The following TAS2R1 variants were observed in gnomAD, a reference collection of about 807,000 sequenced individuals.
The protein encoded by TAS2R1 is taste receptor type 2 member 1.
For synonymous variants in TAS2R1, 141 were observed against 134.2 expected (o/e 1.05, Z -0.35); for missense variants, 370 against 353.4 (o/e 1.05, Z -0.38).
chr5:9,635,790 GT>G (rs1739952546), intron 2 of TAS2R1, among the ~76,000 whole-genome samples: 1 of 151,678 alleles, frequency 6.6e-6, no homozygotes, highest in East Asian at 1.9e-4. Flanking sequence ...AATATTTCCT[GT>G]TTCATTTCTA....
At chr5:9,775,829 CTT>C in the TAS2R1 span, among the ~76,000 whole-genome samples, 1 of 152,190 alleles carries the variant, frequency 6.6e-6, no homozygotes, top group South Asian at 2.1e-4. Flanking sequence ...ACAAAGTCCT[CTT>C]TACTCTCCCC....
the TAS2R1 span, among the ~76,000 whole-genome samples, chr5:9,728,174 G>A: frequency 8.9e-3 from 1,349 of 152,140 alleles, 19 homozygotes; most frequent in African/African-American, 0.031. Flanking sequence ...CCAATAGAAT[G>A]GGGTCTCAAA....
the TAS2R1 span, among the ~76,000 whole-genome samples, chr5:9,820,287 G>A: frequency 2.9e-4 from 44 of 152,078 alleles, no homozygotes; most frequent in Non-Finnish European, 2.9e-4. Flanking sequence ...GTGGAAGAAA[G>A]ATAAATTGTA....
chr5:9,753,517 G>A, the TAS2R1 span, among the ~76,000 whole-genome samples: 6 of 151,920 alleles, frequency 3.9e-5, no homozygotes, highest in African/African-American at 1.2e-4. Flanking sequence ...CTCTGATGGT[G>A]GTTTCTTTTG....
At chr5:9,872,347 A>G in the TAS2R1 span, among the ~76,000 whole-genome samples, 1 of 152,326 alleles carries the variant, frequency 6.6e-6, no homozygotes, top group South Asian at 2.1e-4. Flanking sequence ...AGCAGTTCAC[A>G]CCAACAAAGA....
At chr5:9,874,013 AG>A in the TAS2R1 span, among the ~76,000 whole-genome samples, 3 of 149,188 alleles carry the variant, frequency 2.0e-5, no homozygotes, top group African/African-American at 7.4e-5. Context: ...AAAGGAAGGA[AG>A]GGAGGGAGGG....
At chr5:9,860,665 G>C in the TAS2R1 span, among the ~76,000 whole-genome samples, 33 of 152,290 alleles carry the variant, frequency 2.2e-4, no homozygotes, top group African/African-American at 7.5e-4. Context: ...CGGAAGGAGA[G>C]AGGGATAGAA....
chr5:9,720,281 T>C, the TAS2R1 span, among the ~76,000 whole-genome samples: 5 of 152,234 alleles, frequency 3.3e-5, no homozygotes, highest in South Asian at 1.0e-3. Context: ...GTTGTAGAAT[T>C]TGGCTAGTCT....
the TAS2R1 span, among the ~76,000 whole-genome samples, chr5:9,800,382 C>T: frequency 1.2e-3 from 190 of 152,284 alleles, no homozygotes; most frequent in African/African-American, 4.4e-3. Context: ...ACACAGGTTT[C>T]CAATGTAATA....
chr5:9,771,811 A>T, the TAS2R1 span, among the ~76,000 whole-genome samples: 2 of 152,110 alleles, frequency 1.3e-5, no homozygotes, highest in Non-Finnish European at 2.9e-5. Context: ...TGCTCACAGT[A>T]GCCTCTAATG....
intron 2 of TAS2R1, chr5:9,658,835 T>C (rs1022832246): frequency 1.3e-5 from 2 of 152,148 alleles, no homozygotes; most frequent in African/African-American, 4.8e-5. Flanking sequence ...AACCAAGGAA[T>C]ATCATTTAGT....
At chr5:9,799,683 A>C in the TAS2R1 span, among the ~76,000 whole-genome samples, 1 of 152,232 alleles carries the variant, frequency 6.6e-6, no homozygotes, top group Non-Finnish European at 1.5e-5. Flanking sequence ...ATTTAAGTCA[A>C]ACAAGAAGAA....
the TAS2R1 span, among the ~76,000 whole-genome samples, chr5:9,857,854 GGT>G: frequency 1.3e-5 from 2 of 152,146 alleles, no homozygotes; most frequent in African/African-American, 4.8e-5. Flanking sequence ...TATACCACCT[GGT>G]ATGGTTCATG....
chr5:9,696,742 G>T (rs1011605091), intron 1 of TAS2R1, among the ~76,000 whole-genome samples: 2 of 152,142 alleles, frequency 1.3e-5, no homozygotes, highest in African/African-American at 2.4e-5. Context: ...GGCCGGGTGT[G>T]GTGGCTCATG....
the TAS2R1 span, among the ~76,000 whole-genome samples, chr5:9,838,087 C>G: frequency 7.2e-5 from 11 of 152,234 alleles, no homozygotes; most frequent in Middle Eastern, 3.4e-3. Context: ...GACAACCCCC[C>G]CAGGGCAGGA....
intron 1 of TAS2R1, among the ~76,000 whole-genome samples, chr5:9,699,992 TC>T (rs1433038374): frequency 6.6e-6 from 1 of 152,104 alleles, no homozygotes; most frequent in African/African-American, 2.4e-5. Context: ...AAAAAAAGTA[TC>T]CCATAATTTA....
chr5:9,697,063 A>T (rs756924491), intron 1 of TAS2R1, among the ~76,000 whole-genome samples: 5 of 152,100 alleles, frequency 3.3e-5, no homozygotes, highest in Non-Finnish European at 7.4e-5. Context: ...ACTGCACAGG[A>T]AGGAGGACGA....
chr5:9,716,053 G>T (rs1734804472), upstream of TAS2R1, among the ~76,000 whole-genome samples: 1 of 152,196 alleles, frequency 6.6e-6, no homozygotes. Flanking sequence ...TAGCTCCTCT[G>T]CTCCATCTCT....
the TAS2R1 span, among the ~76,000 whole-genome samples, chr5:9,771,476 A>C: frequency 6.6e-6 from 1 of 151,896 alleles, no homozygotes; most frequent in African/African-American, 2.4e-5. Flanking sequence ...CTGTAGGTTT[A>C]TTTTTCTGAT....
Sources: gnomAD v4.1 joint callset for allele counts (sites outside exome capture counted in the v4.1 genomes callset) on GRCh38, gnomAD v4.1.1 for gene constraint, MANE v1.5 for transcripts, NCBI Gene and HGNC (gene_info 2026-07-23, HGNC 2026-07-21) for gene names.